TBC1D22A: variants seen among roughly 807,000 people sequenced by gnomAD.
TBC1D22A encodes putative GTPase activator.
A neutral mutation model predicts 60.2 loss-of-function variants in TBC1D22A; 38 were observed. The ratio of observed to expected loss-of-function variants is 0.63; its 90% confidence interval spans 0.49 to 0.83. The LOEUF is 0.83. Ranked by LOEUF, TBC1D22A falls within the 40% of genes least tolerant of loss-of-function variation. The probability of loss-of-function intolerance (pLI) is 0.00; values close to 1 mark genes in which losing one functional copy is unlikely to be tolerated. For missense variants in TBC1D22A, 628 were observed against 701.0 expected (o/e 0.90, Z 1.18); for synonymous variants, 302 against 281.7 (o/e 1.07, Z -0.72).
At chr22:47,016,335 G>T (rs1221207838) in intron 10 of TBC1D22A, among the ~76,000 whole-genome samples, 2 of 152,048 alleles carry the variant, frequency 1.3e-5, no homozygotes, top group African/African-American at 2.4e-5. Flanking sequence ...CACGTGCTTG[G>T]TCTTCATCCC....
intron 1 of TBC1D22A, among the ~76,000 whole-genome samples, chr22:46,790,473 G>C (rs1254581438): frequency 6.6e-6 from 1 of 152,194 alleles, no homozygotes; most frequent in Non-Finnish European, 1.5e-5. Flanking sequence ...GGATGTGGAC[G>C]TCTTGGGTGG....
intron 10 of TBC1D22A, among the ~76,000 whole-genome samples, chr22:47,000,237 C>G (rs544439829): frequency 7.9e-5 from 12 of 151,790 alleles, no homozygotes; most frequent in Non-Finnish European, 1.0e-4. Context: ...GCAGTGGTGG[C>G]GCGAGGATAA....
chr22:47,129,295 G>A lies in TBC1D22A; in HGVS notation c.1425+17692G>A, dbSNP rs151116213. Among the ~76,000 whole-genome samples the A allele has an allele frequency of 2.7e-3, 418 of 152,314 alleles. 2 individuals carry two copies. Among genetic ancestry groups the A allele is most frequent in the African/African-American group, 9.7e-3 (403 of 41,564 alleles). On this transcript the variant is annotated intron_variant, in intron 12 of 12. Coordinates refer to ENST00000337137, the MANE Select transcript of TBC1D22A (RefSeq NM_014346.5). ...AGATCAAGACCATCCCAGCCAACATGGTGAAACCCTGTCTCTACTAAAAAT... is the reference window on the plus strand; with the variant it reads ...AGATCAAGACCATCCCAGCCAACATAGTGAAACCCTGTCTCTACTAAAAAT...
At chr22:46,932,463 G>A (rs558036334) in intron 8 of TBC1D22A, among the ~76,000 whole-genome samples, 1 of 152,234 alleles carries the variant, frequency 6.6e-6, no homozygotes. Flanking sequence ...TGACAGTGGT[G>A]TGTAGGGTTT....
In TBC1D22A at chr22:46,779,806, C is replaced by G. The variant is rs544210132; in HGVS notation, c.63-12714C>G. 2.6e-5 allele frequency among the ~76,000 whole-genome samples: 4 copies of G among 152,298 alleles called. No individual in the cohort carries two copies. In the East Asian group the frequency reaches 7.7e-4, roughly 29 times the overall value. Reference sequence around the variant, plus strand: ...TAGCAGGGAGTTTGTGGTCCAGAAGCAGCACCACATAGCTGGGAGCCTTGC... The same window carrying G: ...TAGCAGGGAGTTTGTGGTCCAGAAGGAGCACCACATAGCTGGGAGCCTTGC... On this transcript the variant is annotated intron_variant, in intron 1 of 12. Coordinates refer to ENST00000337137, the MANE Select transcript of TBC1D22A (RefSeq NM_014346.5).
chr22:46,815,558 C>T (rs1189997563), intron 4 of TBC1D22A, among the ~76,000 whole-genome samples: 5 of 152,156 alleles, frequency 3.3e-5, no homozygotes, highest in Non-Finnish European at 2.9e-5. Flanking sequence ...AAGACGGTGC[C>T]CATTTCTCTT....
intron 7 of TBC1D22A, among the ~76,000 whole-genome samples, chr22:46,905,171 A>G (rs986919244): frequency 6.6e-6 from 1 of 152,246 alleles, no homozygotes; most frequent in Non-Finnish European, 1.5e-5. Flanking sequence ...GGAGTTTTTA[A>G]AATGATACTA....
At chr22:47,032,393 C>A (rs1389137349) in intron 10 of TBC1D22A, among the ~76,000 whole-genome samples, 2 of 152,252 alleles carry the variant, frequency 1.3e-5, no homozygotes, top group African/African-American at 4.8e-5. Context: ...GCAAGTCCCA[C>A]CCACACCAGG....
At chr22:47,057,435 C>T (rs2063431313) in intron 11 of TBC1D22A, among the ~76,000 whole-genome samples, 1 of 152,224 alleles carries the variant, frequency 6.6e-6, no homozygotes, top group Non-Finnish European at 1.5e-5. Context: ...GACAGTGCTA[C>T]ACTTTCTTTC....
chr22:46,878,347 A>AGAGAGAG (rs1491482215), intron 4 of TBC1D22A, among the ~76,000 whole-genome samples: 216 of 11,520 alleles, frequency 0.019, no homozygotes, highest in Non-Finnish European at 0.023. Flanking sequence ...GGTGGGAGGG[A>AGAGAGAG]AGGAGGCCAG....
intron 2 of TBC1D22A, among the ~76,000 whole-genome samples, chr22:46,793,115 A>G (rs2084493513): frequency 6.6e-6 from 1 of 152,232 alleles, no homozygotes; most frequent in African/African-American, 2.4e-5. Context: ...CTTCAAATCC[A>G]TATACCACAG....
Position 46,891,323 on chromosome 22 carries a change from G to T in TBC1D22A, c.766G>T (p.Glu256Ter). ...RPATLQRKQK[E>*]YFAFIEHYYD... Reference sequence around the variant, plus strand: ...AGCCACTCTCCAGAGAAAACAAAAAGAATATTTTGCATTTATTGAGCACTA... The same window carrying T: ...AGCCACTCTCCAGAGAAAACAAAAATAATATTTTGCATTTATTGAGCACTA... The change falls in exon 6 of 13, where the codon GAA becomes TAA. Residue 256 changes from glutamate (E) to a stop codon, truncating the protein, a stop_gained. Transcript: ENST00000337137. LOFTEE classifies it high-confidence loss of function. 3.7e-6 allele frequency: 6 copies of T among 1,613,584 alleles called. No individual in the cohort carries two copies. The highest frequency in any genetic ancestry group is 5.1e-6 in the Non-Finnish European group (6 of 1,179,832).
At chr22:47,095,483 A>G (rs950761603) in intron 11 of TBC1D22A, among the ~76,000 whole-genome samples, 9 of 152,268 alleles carry the variant, frequency 5.9e-5, no homozygotes, top group African/African-American at 1.9e-4. Context: ...TAAAAAGTTT[A>G]TATCATATAT....
chr22:47,058,721 G>A (rs1404716331), intron 11 of TBC1D22A, among the ~76,000 whole-genome samples: 1 of 152,162 alleles, frequency 6.6e-6, no homozygotes, highest in East Asian at 1.9e-4. Flanking sequence ...GCCCCACCAG[G>A]CTCGCTGAGG....
At chr22:46,988,878 A>G (rs752121878) in intron 9 of TBC1D22A, among the ~76,000 whole-genome samples, 1 of 152,210 alleles carries the variant, frequency 6.6e-6, no homozygotes, top group Non-Finnish European at 1.5e-5. Flanking sequence ...CCTCCTCTCT[A>G]GCCATGAAAG....
intron 4 of TBC1D22A, among the ~76,000 whole-genome samples, chr22:46,845,517 G>A (rs1219611353): frequency 6.6e-6 from 1 of 152,086 alleles, no homozygotes; most frequent in Non-Finnish European, 1.5e-5. Flanking sequence ...ATGCTGATGG[G>A]GGAGCTGGAG....
At chr22:47,100,063 C>T (rs1253590682) in intron 11 of TBC1D22A, among the ~76,000 whole-genome samples, 1 of 152,176 alleles carries the variant, frequency 6.6e-6, no homozygotes. Context: ...AGGTCAAAGG[C>T]AGTGTTTGCA....
chr22:47,081,429 G>A (rs758273562), intron 11 of TBC1D22A, among the ~76,000 whole-genome samples: 8 of 152,264 alleles, frequency 5.3e-5, no homozygotes, highest in South Asian at 2.1e-4. Flanking sequence ...CCTAAGGTGA[G>A]AACCAGGCAA....
intron 7 of TBC1D22A, among the ~76,000 whole-genome samples, chr22:46,897,639 T>TTTTTTTTTTTTTTTTTTTTTTC (rs2068748855): frequency 7.4e-6 from 1 of 135,796 alleles, no homozygotes; most frequent in African/African-American, 2.8e-5. Context: ...TGTTTCGTTT[T>TTTTTTTTTTTTTTTTTTTTTTC]GTTTTTTTTT....
Sources: gnomAD v4.1 joint callset for allele counts (sites outside exome capture counted in the v4.1 genomes callset) on GRCh38, gnomAD v4.1.1 for gene constraint, MANE v1.5 for transcripts, NCBI Gene and HGNC (gene_info 2026-07-23, HGNC 2026-07-21) for gene names.